KLHL29: variants seen among roughly 807,000 people sequenced by gnomAD.
The protein encoded by KLHL29 is kelch like family member 29, also known as kelch-like protein 29.
Under a neutral mutation model 80.4 loss-of-function variants are expected in KLHL29, and 21 were observed. That is an observed-to-expected ratio of 0.26 (90% CI 0.19 to 0.38). KLHL29 has a LOEUF of 0.38. Among genes scored for constraint, KLHL29 ranks in the 10% least tolerant of loss-of-function variants. The pLI is 1.00. For synonymous variants in KLHL29, 511 were observed against 526.8 expected (o/e 0.97, Z 0.41); for missense variants, 867 against 1,223.9 (o/e 0.71, Z 4.35).
At chr2:23,626,500 T>C (rs1669312122) in intron 3 of KLHL29, among the ~76,000 whole-genome samples, 1 of 152,194 alleles carries the variant, frequency 6.6e-6, no homozygotes, top group Non-Finnish European at 1.5e-5. Flanking sequence ...CTCAGAGAAC[T>C]CCCAAGCCTT....
chr2:23,554,855 G>C (rs751470867), intron 2 of KLHL29, among the ~76,000 whole-genome samples: 4 of 152,112 alleles, frequency 2.6e-5, no homozygotes, highest in Non-Finnish European at 5.9e-5. Context: ...CAGGGCTGCC[G>C]ATCCGATCTC....
chr2:23,574,693 A>G (rs571880312), intron 3 of KLHL29, among the ~76,000 whole-genome samples: 16 of 152,284 alleles, frequency 1.1e-4, no homozygotes, highest in Admixed American at 3.9e-4. Flanking sequence ...GAAAATGGCA[A>G]ATTTTATGTT....
At chr2:23,598,442 C>G (rs1668482863) in intron 3 of KLHL29, among the ~76,000 whole-genome samples, 1 of 151,976 alleles carries the variant, frequency 6.6e-6, no homozygotes. Context: ...TGTGCGCACA[C>G]TCACATATAC....
chr2:23,634,583 C>T (rs1669559395), intron 3 of KLHL29, among the ~76,000 whole-genome samples: 1 of 152,122 alleles, frequency 6.6e-6, no homozygotes, highest in Non-Finnish European at 1.5e-5. Flanking sequence ...CCCAGGTTCC[C>T]CCAGCTCCAC....
At chr2:23,579,820 C>T (rs561603302) in intron 3 of KLHL29, among the ~76,000 whole-genome samples, 70 of 152,334 alleles carry the variant, frequency 4.6e-4, no homozygotes, top group African/African-American at 1.6e-3. Context: ...GCACCCCCGC[C>T]CCCATGGGTC....
At chr2:23,561,762 G>A (rs528650697) in intron 2 of KLHL29, among the ~76,000 whole-genome samples, 3 of 152,266 alleles carry the variant, frequency 2.0e-5, no homozygotes, top group African/African-American at 7.2e-5. Context: ...ATCCTATCAC[G>A]TGTTGGAGGA....
In KLHL29 at chr2:23,530,621, C is replaced by T. The variant is rs557247214; in HGVS notation, c.-45-31531C>T. Among the ~76,000 whole-genome samples the T allele has an allele frequency of 9.8e-5, 15 of 152,302 alleles. No individual in the cohort carries two copies. In the East Asian group the frequency reaches 2.1e-3, roughly 22 times the overall value. On this transcript the variant is annotated intron_variant, in intron 2 of 13. Transcript: ENST00000486442. ...TTGTTTTGGAAAATAGTTCTTCCAT[C>T]GTGTGGAATATTTTTCAATGCAGTA...
intron 2 of KLHL29, chr2:23,524,364 G>T: frequency 5.4e-6 from 1 of 186,440 alleles, no homozygotes; most frequent in Non-Finnish European, 1.1e-5. Flanking sequence ...TAGCAGGCCA[G>T]GAAATACCTT....
intron 3 of KLHL29, among the ~76,000 whole-genome samples, chr2:23,605,492 C>G (rs919997857): frequency 2.0e-5 from 3 of 152,126 alleles, no homozygotes; most frequent in Non-Finnish European, 4.4e-5. Flanking sequence ...CAGAACACAG[C>G]CCCCGGCGCC....
chr2:23,659,450 C>T (rs1670341763), intron 5 of KLHL29, among the ~76,000 whole-genome samples: 1 of 152,176 alleles, frequency 6.6e-6, no homozygotes, highest in Non-Finnish European at 1.5e-5. Context: ...AGTTGAGTGT[C>T]AGCAGGGTCC....
chr2:23,475,256 G>C (rs995101585), intron 1 of KLHL29, among the ~76,000 whole-genome samples: 1 of 151,998 alleles, frequency 6.6e-6, no homozygotes, highest in Non-Finnish European at 1.5e-5. Context: ...GTGGGGATTA[G>C]GGCTGTGTGT....
At chr2:23,576,686 G>A (rs541232274) in intron 3 of KLHL29, among the ~76,000 whole-genome samples, 9 of 152,326 alleles carry the variant, frequency 5.9e-5, no homozygotes, top group South Asian at 2.1e-4. Context: ...TGGCACGGCC[G>A]ATGGCTTTGT....
At chr2:23,631,133 C>T (rs1669457289) in intron 3 of KLHL29, among the ~76,000 whole-genome samples, 1 of 151,856 alleles carries the variant, frequency 6.6e-6, no homozygotes, top group Admixed American at 6.5e-5. Context: ...TTGTAGCTCC[C>T]AGCCCAGCAC....
intron 1 of KLHL29, among the ~76,000 whole-genome samples, chr2:23,419,773 C>T (rs978074581): frequency 3.3e-5 from 5 of 152,050 alleles, no homozygotes; most frequent in African/African-American, 7.2e-5. Flanking sequence ...CTTTGGGGTG[C>T]GGCTGGTCTC....
intron 2 of KLHL29, among the ~76,000 whole-genome samples, chr2:23,531,396 A>G (rs1666485795): frequency 6.6e-6 from 1 of 152,140 alleles, no homozygotes; most frequent in African/African-American, 2.4e-5. Flanking sequence ...GACCGTCCCC[A>G]TCAGTTCCAT....
intron 4 of KLHL29, among the ~76,000 whole-genome samples, chr2:23,640,809 G>A (rs980923219): frequency 6.6e-6 from 1 of 152,218 alleles, no homozygotes; most frequent in African/African-American, 2.4e-5. Flanking sequence ...AGCTGGGAAG[G>A]GGCGATGCAG....
In KLHL29 at chr2:23,695,351, C is replaced by T. The variant is rs1007516762; in HGVS notation, c.1543-272C>T. Among the ~76,000 whole-genome samples, 1 of 152,110 alleles carries T rather than the reference C, an allele frequency of 6.6e-6. No homozygotes were observed. The highest frequency in any genetic ancestry group is 2.4e-5 in the African/African-American group (1 of 41,428). The stretch of plus-strand genomic sequence containing the variant: ...CCAGGTGGAGTGAGAGAATGGGGTG[C>T]TGGGGGGATGAACACATGCTCCCAC... On this transcript the variant is annotated intron_variant, in intron 8 of 13. Transcript: ENST00000486442. The surrounding 1 kb of genome is among the most constrained non-coding windows in gnomAD (Gnocchi z 7.6).
At chr2:23,622,542 T>C (rs1053498292) in intron 3 of KLHL29, among the ~76,000 whole-genome samples, 2 of 152,324 alleles carry the variant, frequency 1.3e-5, no homozygotes, top group Middle Eastern at 3.4e-3. Context: ...AAACTCCCAC[T>C]CGGGACCCTG....
chr2:23,501,301 A>AG (rs1185474141), intron 2 of KLHL29, among the ~76,000 whole-genome samples: 1 of 151,930 alleles, frequency 6.6e-6, no homozygotes, highest in Non-Finnish European at 1.5e-5. Flanking sequence ...GCTTTGGAAT[A>AG]GGGGGCTGAT....
Sources: gnomAD v4.1 joint callset for allele counts (sites outside exome capture counted in the v4.1 genomes callset) on GRCh38, gnomAD v4.1.1 for gene constraint, Gnocchi (gnomAD v3.1) non-coding constraint, MANE v1.5 for transcripts, NCBI Gene and HGNC (gene_info 2026-07-23, HGNC 2026-07-21) for gene names.